The following TLR1 variants were observed in gnomAD, a reference collection of about 807,000 sequenced individuals.
TLR1 encodes the protein toll-like receptor 1.
TLR1 carries 19 observed loss-of-function variants against 20.2 expected under a neutral mutation model. That is an observed-to-expected ratio of 0.94 (90% CI 0.66 to 1.38). TLR1 has a LOEUF of 1.38. TLR1 is among the 40% of genes most tolerant of loss of function. TLR1 has a pLI of 0.00. For synonymous variants in TLR1, 320 were observed against 334.5 expected, an observed-to-expected ratio of 0.96 and a Z score of 0.47; for missense variants, 921 against 910.0, an observed-to-expected ratio of 1.01 and a Z score of -0.16.
chr4:38,790,132 T>C (rs1326950907), downstream of TLR1, among the ~76,000 whole-genome samples: 1 of 152,222 alleles, frequency 6.6e-6, no homozygotes, highest in Non-Finnish European at 1.5e-5. Context: ...AGAGCTGACA[T>C]CCTCTGACTT....
chr4:38,794,717 T>G (rs1725921735), downstream of TLR1: 1 of 152,120 alleles, frequency 6.6e-6, no homozygotes, highest in South Asian at 2.1e-4. Flanking sequence ...TTTTATAGCT[T>G]TGTTTCATTG....
At chr4:38,804,054 A>G (rs931072971) in intron 2 of TLR1, among the ~76,000 whole-genome samples, 18 of 152,242 alleles carry the variant, frequency 1.2e-4, no homozygotes, top group Non-Finnish European at 2.9e-5. Flanking sequence ...ATAGCTATTA[A>G]CCAAAGGTTA....
intron 2 of TLR1, among the ~76,000 whole-genome samples, chr4:38,802,168 G>T (rs1008710673): frequency 7.9e-5 from 12 of 152,150 alleles, no homozygotes; most frequent in African/African-American, 2.9e-4. Context: ...TTGCACTCCA[G>T]CCTGGGCAAC....
chr4:38,803,898 C>A (rs1233372176), intron 2 of TLR1, among the ~76,000 whole-genome samples: 1 of 152,180 alleles, frequency 6.6e-6, no homozygotes, highest in African/African-American at 2.4e-5. Context: ...TGAATCAATA[C>A]ATTTAATTTG....
downstream of TLR1, among the ~76,000 whole-genome samples, chr4:38,793,390 A>G (rs997858334): frequency 2.0e-5 from 3 of 152,350 alleles, no homozygotes; most frequent in East Asian, 5.8e-4. Flanking sequence ...CTGCAAATAC[A>G]TGACGGAGCT....
upstream of TLR1, chr4:38,805,394 AC>A (rs1726950950): frequency 6.6e-6 from 1 of 152,096 alleles, no homozygotes. Context: ...ATTTTTGTAA[AC>A]CCTAAGTGAA....
chr4:38,798,730 G>GT lies in TLR1; in HGVS notation c.101dup (p.Asn34LysfsTer8). 1 of 1,613,058 alleles carries GT rather than the reference G, an allele frequency of 6.2e-7. No individual in the cohort carries two copies. ...GGTCTTTAGGAACGTGGATGAGACC[G>GT]TTTTTTGACCTATCAACTAAAAATT... On this transcript the variant is annotated frameshift_variant, in exon 4 of 4. Transcript: ENST00000308979. LOFTEE classifies it low-confidence loss of function (END_TRUNC).
At position 38,798,699 on chromosome 4, in the gene TLR1, GGGA is replaced by G. The variant is rs1377596877; in HGVS notation, c.130_132del (p.Ser44del). 1 of 1,613,872 alleles carries G rather than the reference GGGA, an allele frequency of 6.2e-7. No homozygotes were observed. The highest frequency in any genetic ancestry group is 1.1e-5 in the South Asian group (1 of 91,026). The stretch of plus-strand genomic sequence containing the variant: ...GATATATTTAAGATTGTTGTTTTCT[GGGA>G]TAGGTCTTTAGGAACGTGGATGAGA... On this transcript the variant is annotated inframe_deletion, in exon 4 of 4. Transcript: ENST00000308979.
Position 38,798,058 on chromosome 4 carries a change from C to T in TLR1, c.774G>A (p.Trp258Ter). The change falls in exon 4 of 4, where the codon TGG (tryptophan) becomes TGA (stop). Residue 258 changes from tryptophan to a stop codon, truncating the protein, a stop_gained. Coordinates refer to ENST00000308979, the MANE Select transcript of TLR1 (RefSeq NM_003263.4). LOFTEE classifies it low-confidence loss of function (END_TRUNC). ...GCTGGAGGATCCTAATGAAAGAATT[C>T]CAAGTTGTTTCAATGTTGTTTAAGG... ...NLTLNNIETTWNSFIRILQLV... is the reference protein window; with the variant it reads ...NLTLNNIETT 6.2e-7 allele frequency: 1 copy of T among 1,613,810 alleles called. No homozygotes were observed. The highest frequency in any genetic ancestry group is 1.1e-5 in the South Asian group (1 of 91,042).
chr4:38,797,457 T>C lies in TLR1; in HGVS notation c.1375A>G (p.Ser459Gly), dbSNP rs201596172. 2.5e-5 allele frequency: 41 copies of C among 1,614,112 alleles called. No homozygotes were observed. Among genetic ancestry groups the C allele is most frequent in the Non-Finnish European group, 3.5e-5 (41 of 1,180,054 alleles). The change falls in exon 4 of 4, where the codon AGC becomes GGC. Residue 459 changes from serine to glycine, a missense_variant. Transcript: ENST00000308979. Reference protein sequence around the residue: ...VLDLHSNKIKSIPKQVVKLEA... With the variant: ...VLDLHSNKIKGIPKQVVKLEA... The stretch of plus-strand genomic sequence containing the variant: ...AGTTTTACGACTTGTTTAGGAATGC[T>C]CTTTATTTTATTGCTGTGAAGATCA...
chr4:38,803,230 G>A (rs554164829), intron 2 of TLR1, among the ~76,000 whole-genome samples: 4 of 152,240 alleles, frequency 2.6e-5, no homozygotes, highest in African/African-American at 9.6e-5. Context: ...TGTTCTTTCA[G>A]CTATCTGCTC....
At chr4:38,796,006 G>C (rs1726022195), downstream of TLR1, among the ~76,000 whole-genome samples, 1 of 152,128 alleles carries the variant, frequency 6.6e-6, no homozygotes, top group Admixed American at 6.5e-5. Flanking sequence ...GAACCTTCAG[G>C]CATAGTGTCT....
At chr4:38,792,853 T>TTTTATATATATATATATATATATA (rs150259151), downstream of TLR1, among the ~76,000 whole-genome samples, 231 of 122,204 alleles carry the variant, frequency 1.9e-3, 5 homozygotes, top group African/African-American at 6.3e-3. Flanking sequence ...TATTTTCAAA[T>TTTTATATATATATATATATATATA]TATATATATA....
Position 38,804,349 on chromosome 4 carries a change from G to C in TLR1, c.-203C>G. On this transcript the variant is annotated 5_prime_UTR_variant, in exon 2 of 4. Transcript: ENST00000308979. ...GAGCTGAACAGCAGCATTGCCTCCG[G>C]GAGTAACTGACTTATATCTCATTTT... 6.6e-6 allele frequency: 1 copy of C among 152,250 alleles called. No individual in the cohort carries two copies. The highest frequency in any genetic ancestry group is 6.5e-5 in the Admixed American group (1 of 15,284). The allele number at this position is 152,250 out of a possible 1,614,324, so 9.4% of individuals were successfully genotyped here.
At chr4:38,803,868 C>T (rs5743571) in intron 2 of TLR1, among the ~76,000 whole-genome samples, 22,249 of 152,222 alleles carry the variant, frequency 0.15, 2,248 homozygotes, top group East Asian at 0.4. Context: ...ATAGGTTTAG[C>T]CTCACATTAT....
At position 38,796,967 on chromosome 4, in the gene TLR1, C is replaced by T. The variant is rs1726129834; in HGVS notation, c.1865G>A (p.Arg622Lys). ...MVCQWTQTRR[R>K]ARNIPLEELQ... is the part of the protein sequence containing the mutation. Reference sequence around the variant, plus strand: ...TTCTTCTAAGGGTATGTTCCTGGCCCTGCGCCGGGTCTGGGTCCACTGGCA... The same window carrying T: ...TTCTTCTAAGGGTATGTTCCTGGCCTTGCGCCGGGTCTGGGTCCACTGGCA... Residue 622 changes from arginine to lysine, a missense_variant, in exon 4 of 4, where the codon AGG becomes AAG. By Grantham distance (26) the Arg-to-Lys change is conservative. Transcript: ENST00000308979. The T allele has an allele frequency of 1.9e-6, 3 of 1,614,186 alleles. No individual in the cohort carries two copies. Among genetic ancestry groups the T allele is most frequent in the Non-Finnish European group, 2.5e-6 (3 of 1,180,032 alleles).
chr4:38,795,729 A>G (rs1310124695), downstream of TLR1, among the ~76,000 whole-genome samples: 9 of 152,236 alleles, frequency 5.9e-5, 1 homozygote, highest in Admixed American at 5.9e-4. Context: ...AGGAATAAGT[A>G]AGTGAGAAAA....
chr4:38,803,799 C>T (rs1726838663), intron 2 of TLR1, among the ~76,000 whole-genome samples: 1 of 152,202 alleles, frequency 6.6e-6, no homozygotes, highest in Non-Finnish European at 1.5e-5. Context: ...GAAAAGGATG[C>T]TTTAATTTGA....
chr4:38,796,727 A>C lies in TLR1; in HGVS notation c.2105T>G (p.Val702Gly). ...KSIFVLSPNF[V>G]QSEWCHYELY... ...TTCATAATGGCACCATTCACTCTGG[A>C]CAAAGTTGGGAGACAAAACAAAGAT... Residue 702 changes from valine (V) to glycine (G), a missense_variant, in exon 4 of 4, where the codon GTC becomes GGC. Physicochemically the swap from Val to Gly is moderately radical, Grantham distance 109. Transcript: ENST00000308979. The C allele has an allele frequency of 6.2e-7, 1 of 1,614,140 alleles. No individual in the cohort carries two copies. The highest frequency in any genetic ancestry group is 8.5e-7 in the Non-Finnish European group (1 of 1,180,002).
Sources: gnomAD v4.1 joint callset for allele counts (sites outside exome capture counted in the v4.1 genomes callset) on GRCh38, gnomAD v4.1.1 for gene constraint, MANE v1.5 for transcripts, NCBI Gene and HGNC (gene_info 2026-07-23, HGNC 2026-07-21) for gene names.